The following EPHA3 variants were observed in gnomAD, a reference collection of about 807,000 sequenced individuals.
EPHA3 encodes the protein EPH receptor A3.
In EPHA3, 42 loss-of-function variants were observed where a neutral mutation model predicts 107.1. That is an observed-to-expected ratio of 0.39 (90% CI 0.31 to 0.51). The LOEUF (loss-of-function observed/expected upper bound fraction) is 0.51. EPHA3 is among the 20% of genes least tolerant of loss of function. The pLI, the probability that EPHA3 is intolerant of heterozygous loss-of-function variation, is 0.78. For missense variants in EPHA3, 1,183 were observed against 1,211.2 expected (o/e 0.98, Z 0.35); for synonymous variants, 461 against 424.8 (o/e 1.09, Z -1.05).
chr3:89,340,684 C>T (rs1707498127), intron 3 of EPHA3, among the ~76,000 whole-genome samples: 1 of 152,118 alleles, frequency 6.6e-6, no homozygotes, highest in South Asian at 2.1e-4. Context: ...TACACTAGTG[C>T]CAAAATAATC....
In EPHA3 at chr3:89,288,763, G is replaced by T. The variant is rs548006463; in HGVS notation, c.815-52153G>T. Among the ~76,000 whole-genome samples the T allele has an allele frequency of 2.0e-5, 3 of 152,216 alleles. No individual in the cohort carries two copies. In the South Asian group the frequency reaches 6.2e-4, roughly 32 times the overall value. On this transcript the variant is annotated intron_variant, in intron 3 of 16. Coordinates refer to ENST00000336596, the MANE Select transcript of EPHA3 (RefSeq NM_005233.6). Reference sequence around the variant, plus strand: ...ATAAATGATATTGCATTTCTTCAGTGTTACAAGAAAAGGAGGCATTGTGGT... The same window carrying T: ...ATAAATGATATTGCATTTCTTCAGTTTTACAAGAAAAGGAGGCATTGTGGT...
chr3:89,231,392 T>A (rs545430490), intron 3 of EPHA3, among the ~76,000 whole-genome samples: 12 of 152,336 alleles, frequency 7.9e-5, no homozygotes, highest in Non-Finnish European at 1.6e-4. Context: ...GAAAACAACC[T>A]AGATTTTAGG....
At chr3:89,195,421 A>G (rs947765810) in intron 2 of EPHA3, among the ~76,000 whole-genome samples, 1 of 152,148 alleles carries the variant, frequency 6.6e-6, no homozygotes, top group African/African-American at 2.4e-5. Flanking sequence ...TCTCATCTAT[A>G]GAATTAGTAG....
chr3:89,109,538 T>C (rs2106936279), intron 1 of EPHA3, among the ~76,000 whole-genome samples: 1 of 152,118 alleles, frequency 6.6e-6, no homozygotes, highest in South Asian at 2.1e-4. Flanking sequence ...TGCACAAGAA[T>C]GTAGCTGTTA....
chr3:89,451,458 C>T (rs559488120), intron 15 of EPHA3, among the ~76,000 whole-genome samples: 2 of 152,096 alleles, frequency 1.3e-5, no homozygotes, highest in African/African-American at 4.8e-5. Flanking sequence ...GGTTCTTTTA[C>T]ATTTTGATAA....
At chr3:89,134,625 C>T (rs1048285619) in intron 2 of EPHA3, among the ~76,000 whole-genome samples, 1 of 152,136 alleles carries the variant, frequency 6.6e-6, no homozygotes, top group East Asian at 1.9e-4. Flanking sequence ...CATTGTTCGA[C>T]ATTTGGGTTG....
intron 1 of EPHA3, among the ~76,000 whole-genome samples, chr3:89,124,844 T>A (rs1000106221): frequency 6.6e-6 from 1 of 151,966 alleles, no homozygotes; most frequent in African/African-American, 2.4e-5. Context: ...AAATTTAATT[T>A]CTGAGTAAAT....
chr3:89,423,819 A>G (rs1397874627), intron 11 of EPHA3, among the ~76,000 whole-genome samples: 1 of 151,412 alleles, frequency 6.6e-6, no homozygotes, highest in East Asian at 1.9e-4. Context: ...TCTCATTTAT[A>G]TGTATAGGAT....
intron 3 of EPHA3, among the ~76,000 whole-genome samples, chr3:89,309,870 AC>A (rs1157693769): frequency 2.0e-5 from 3 of 148,908 alleles, no homozygotes; most frequent in African/African-American, 7.5e-5. Context: ...ATAAAATGCC[AC>A]CCCCCACCCC....
chr3:89,389,008 G>A (rs1188656914), intron 5 of EPHA3, among the ~76,000 whole-genome samples: 5 of 152,126 alleles, frequency 3.3e-5, no homozygotes, highest in South Asian at 4.1e-4. Context: ...ACTAATCCAC[G>A]GCTGGAAAAG....
intron 10 of EPHA3, among the ~76,000 whole-genome samples, chr3:89,416,953 C>T (rs1709260641): frequency 1.3e-5 from 2 of 151,588 alleles, no homozygotes; most frequent in South Asian, 2.1e-4. Context: ...CCATCTCTTA[C>T]ATTAACATAG....
intron 5 of EPHA3, among the ~76,000 whole-genome samples, chr3:89,345,061 T>C (rs1707611434): frequency 6.6e-6 from 1 of 151,160 alleles, no homozygotes. Context: ...AATGAGTATA[T>C]TCATCTTTTT....
At chr3:89,426,542 T>C (rs930584897) in intron 11 of EPHA3, among the ~76,000 whole-genome samples, 7 of 151,814 alleles carry the variant, frequency 4.6e-5, no homozygotes, top group Non-Finnish European at 1.0e-4. Context: ...ATGTGATTTC[T>C]GAATGGTCAT....
chr3:89,173,963 C>G (rs973963452), intron 2 of EPHA3, among the ~76,000 whole-genome samples: 1 of 151,816 alleles, frequency 6.6e-6, no homozygotes, highest in African/African-American at 2.4e-5. Flanking sequence ...GCATTTTATT[C>G]CCAAATCACA....
At position 89,482,046 on chromosome 3, in the gene EPHA3, A is replaced by C. The variant is rs534805160; in HGVS notation, c.*2544A>C. On this transcript the variant is annotated 3_prime_UTR_variant, in exon 17 of 17. Transcript: ENST00000336596. ...ACTCAGTTTATGTTGTACAATGTAG[A>C]TGGCCTCTTACTAATGTAAAATGAT... The C allele has an allele frequency of 3.6e-5, 8 of 220,368 alleles. No homozygotes were observed. The highest frequency in any genetic ancestry group is 6.7e-5 in the East Asian group (1 of 14,920). The allele number at this position is 220,368 out of a possible 1,614,324, so 13.7% of individuals were successfully genotyped here.
intron 5 of EPHA3, among the ~76,000 whole-genome samples, chr3:89,342,520 G>T (rs1195180420): frequency 1.3e-5 from 2 of 152,056 alleles, no homozygotes; most frequent in Non-Finnish European, 2.9e-5. Flanking sequence ...GAAGTTCTGT[G>T]TATTATAACT....
intron 7 of EPHA3, 77 bp downstream of exon 7, chr3:89,399,557 T>C: frequency 6.4e-7 from 1 of 1,566,560 alleles, no homozygotes; most frequent in Non-Finnish European, 8.7e-7. Context: ...ATTCTCACTG[T>C]TTCTAAGTTT....
chr3:89,139,743 T>G (rs1305001431), intron 2 of EPHA3, among the ~76,000 whole-genome samples: 2 of 151,794 alleles, frequency 1.3e-5, no homozygotes, highest in South Asian at 2.1e-4. Context: ...AGTGACTTGA[T>G]GAAGGTCACG....
At chr3:89,397,340 T>A (rs1708869721) in intron 6 of EPHA3, among the ~76,000 whole-genome samples, 1 of 152,120 alleles carries the variant, frequency 6.6e-6, no homozygotes, top group Non-Finnish European at 1.5e-5. Flanking sequence ...TTCAGAAGTG[T>A]GACAAGATAG....
Sources: gnomAD v4.1 joint callset for allele counts (sites outside exome capture counted in the v4.1 genomes callset) on GRCh38, gnomAD v4.1.1 for gene constraint, MANE v1.5 for transcripts, NCBI Gene and HGNC (gene_info 2026-07-23, HGNC 2026-07-21) for gene names.